The following NR3C1 variants were observed in gnomAD, a reference collection of about 807,000 sequenced individuals.
The protein encoded by NR3C1 is glucocorticoid receptor.
In NR3C1, 14 loss-of-function variants were observed where a neutral mutation model predicts 74.0. That is an observed-to-expected ratio of 0.19 (90% CI 0.12 to 0.30). The LOEUF (loss-of-function observed/expected upper bound fraction) is 0.30. NR3C1 is among the 10% of genes least tolerant of loss of function. The pLI is 1.00. For synonymous variants in NR3C1, 308 were observed against 332.5 expected (o/e 0.93, Z 0.80); for missense variants, 695 against 909.8 (o/e 0.76, Z 3.04).
rs1017997688 is a variant in NR3C1 at position 143,382,540 on chromosome 5, T to C, written c.1184+17116A>G. On this transcript the variant is annotated intron_variant, in intron 2 of 8. Transcript: ENST00000394464. ...TTTTTAAGTGCCAGACACTGTGCTA[T>C]GCAGTTTACATGCATCACTTTGTTG... Among the ~76,000 whole-genome samples, 5 of 152,246 alleles carry C rather than the reference T, an allele frequency of 3.3e-5. No individual in the cohort carries two copies. The South Asian group carries it at 8.3e-4, about 25-fold the overall frequency.
intron 7 of NR3C1, among the ~76,000 whole-genome samples, chr5:143,292,338 T>A (rs1816125409): frequency 2.0e-5 from 3 of 152,122 alleles, no homozygotes. Context: ...TTTTTTAATC[T>A]TTATGATTAA....
At chr5:143,320,398 T>G (rs1403738264) in intron 2 of NR3C1, among the ~76,000 whole-genome samples, 1 of 152,186 alleles carries the variant, frequency 6.6e-6, no homozygotes, top group East Asian at 1.9e-4. Flanking sequence ...TCATTTATAT[T>G]CACTCCTCTT....
intron 2 of NR3C1, among the ~76,000 whole-genome samples, chr5:143,383,799 T>C (rs1165409696): frequency 6.6e-6 from 1 of 152,182 alleles, no homozygotes; most frequent in African/African-American, 2.4e-5. Flanking sequence ...ATTTTTATTA[T>C]AAAGAAAAGT....
intron 7 of NR3C1, among the ~76,000 whole-genome samples, chr5:143,285,169 T>G (rs1408649008): frequency 2.0e-5 from 3 of 152,128 alleles, no homozygotes; most frequent in Non-Finnish European, 2.9e-5. Context: ...AATAAAAATT[T>G]GTGCATACTT....
intron 2 of NR3C1, among the ~76,000 whole-genome samples, chr5:143,388,399 T>C (rs1176119117): frequency 1.3e-5 from 2 of 152,212 alleles, no homozygotes; most frequent in Admixed American, 6.5e-5. Context: ...ATATATCTTT[T>C]TGGTTTATAT....
chr5:143,316,817 T>TA (rs1249405091), intron 2 of NR3C1, among the ~76,000 whole-genome samples: 1 of 152,132 alleles, frequency 6.6e-6, no homozygotes, highest in Non-Finnish European at 1.5e-5. Context: ...ATTTTATGAG[T>TA]AAGTATTATA....
intron 1 of NR3C1, among the ~76,000 whole-genome samples, chr5:143,412,465 A>T (rs1354493450): frequency 6.6e-6 from 1 of 152,094 alleles, no homozygotes; most frequent in Non-Finnish European, 1.5e-5. Flanking sequence ...TAAAACTCTC[A>T]CACTGAATCA....
chr5:143,412,230 A>ATTG (rs778147098), intron 1 of NR3C1, among the ~76,000 whole-genome samples: 101 of 124,330 alleles, frequency 8.1e-4, no homozygotes, highest in Non-Finnish European at 1.3e-3. Context: ...GTTAGGCTGG[A>ATTG]TTGTTAGTCA....
chr5:143,299,168 C>T (rs1817952414), intron 5 of NR3C1, among the ~76,000 whole-genome samples: 1 of 151,874 alleles, frequency 6.6e-6, no homozygotes, highest in East Asian at 1.9e-4. Flanking sequence ...TTCATACCAC[C>T]ATGCCCGGCT....
chr5:143,324,314 A>G (rs1393291860), intron 2 of NR3C1, among the ~76,000 whole-genome samples: 3 of 152,226 alleles, frequency 2.0e-5, no homozygotes, highest in African/African-American at 4.8e-5. Context: ...CCAAACCTCA[A>G]TTCTTGACTT....
At chr5:143,364,999 G>A (rs555749535) in intron 2 of NR3C1, among the ~76,000 whole-genome samples, 83 of 152,214 alleles carry the variant, frequency 5.5e-4, no homozygotes, top group African/African-American at 2.0e-3. Context: ...GAGCCACTGT[G>A]CCCAACCTAG....
At chr5:143,403,823 T>C, upstream of NR3C1, 1 of 965,306 alleles carries the variant, frequency 1.0e-6, no homozygotes, top group Non-Finnish European at 1.2e-6. Context: ...GCGCCCGCGG[T>C]CCCTGCCCCC....
chr5:143,387,885 T>A (rs1315448030), intron 2 of NR3C1, among the ~76,000 whole-genome samples: 1 of 152,164 alleles, frequency 6.6e-6, no homozygotes, highest in East Asian at 1.9e-4. Context: ...ACACACACAC[T>A]TATCTGAAAA....
intron 4 of NR3C1, among the ~76,000 whole-genome samples, chr5:143,301,303 A>T (rs150071054): frequency 6.6e-6 from 1 of 152,304 alleles, no homozygotes; most frequent in Non-Finnish European, 1.5e-5. Flanking sequence ...ATGACAGCAG[A>T]TTACATGCTA....
intron 6 of NR3C1, among the ~76,000 whole-genome samples, chr5:143,297,611 G>A (rs1215003961): frequency 6.6e-6 from 1 of 152,148 alleles, no homozygotes; most frequent in Non-Finnish European, 1.5e-5. Flanking sequence ...AAGTCAAGGT[G>A]ACTTCTGTTT....
intron 2 of NR3C1, among the ~76,000 whole-genome samples, chr5:143,338,419 T>C (rs918448669): frequency 7.2e-5 from 11 of 151,976 alleles, no homozygotes; most frequent in Admixed American, 7.2e-4. Flanking sequence ...GGCACTGTTA[T>C]CACAGAAAAC....
chr5:143,399,013 C>T lies in NR3C1; in HGVS notation c.1184+643G>A, dbSNP rs191544350. On this transcript the variant is annotated intron_variant, in intron 2 of 8. Transcript: ENST00000394464. ...CAATTCCTCTCTTAAAGAGATTGATCAGCAGACATAACTTGTCTACTTTAT... is the reference window on the plus strand; with the variant it reads ...CAATTCCTCTCTTAAAGAGATTGATTAGCAGACATAACTTGTCTACTTTAT... Among the ~76,000 whole-genome samples the T allele has an allele frequency of 2.0e-5, 3 of 152,134 alleles. No homozygotes were observed. The East Asian group carries it at 5.8e-4, about 29-fold the overall frequency.
intron 2 of NR3C1, among the ~76,000 whole-genome samples, chr5:143,384,455 A>G (rs948500573): frequency 6.6e-6 from 1 of 152,096 alleles, no homozygotes; most frequent in Admixed American, 6.6e-5. Flanking sequence ...AGGCAAGTCC[A>G]CTCTGCTTAT....
At chr5:143,389,240 C>A (rs1837811510) in intron 2 of NR3C1, among the ~76,000 whole-genome samples, 1 of 152,098 alleles carries the variant, frequency 6.6e-6, no homozygotes, top group South Asian at 2.1e-4. Flanking sequence ...TCTCCATATG[C>A]CCAGTGTCTA....
Sources: gnomAD v4.1 joint callset for allele counts (sites outside exome capture counted in the v4.1 genomes callset) on GRCh38, gnomAD v4.1.1 for gene constraint, MANE v1.5 for transcripts, NCBI Gene and HGNC (gene_info 2026-07-23, HGNC 2026-07-21) for gene names.